IGF2BP3: variants seen among roughly 807,000 people sequenced by gnomAD.
IGF2BP3 encodes insulin like growth factor 2 mRNA binding protein 3.
IGF2BP3 carries 9 observed loss-of-function variants against 73.8 expected under a neutral mutation model. That is an observed-to-expected ratio of 0.12 (90% CI 0.07 to 0.21). The LOEUF (loss-of-function observed/expected upper bound fraction) is 0.21. IGF2BP3 is among the 10% of genes least tolerant of loss of function. The pLI, the probability that IGF2BP3 is intolerant of heterozygous loss-of-function variation, is 1.00. For missense variants in IGF2BP3, 542 were observed against 714.0 expected (o/e 0.76, Z 2.75); for synonymous variants, 258 against 256.7 (o/e 1.01, Z -0.05).
intron 3 of IGF2BP3, among the ~76,000 whole-genome samples, chr7:23,386,550 T>C (rs1034296260): frequency 6.6e-6 from 1 of 152,174 alleles, no homozygotes; most frequent in Non-Finnish European, 1.5e-5. Flanking sequence ...TATTAGACTA[T>C]AGCTCAGAGT....
At chr7:23,455,944 G>GA (rs1382333180) in intron 2 of IGF2BP3, among the ~76,000 whole-genome samples, 5 of 152,074 alleles carry the variant, frequency 3.3e-5, no homozygotes. Context: ...CTCTGGCTCC[G>GA]AAAGTGCTGG....
chr7:23,439,402 A>C (rs1787878528), intron 2 of IGF2BP3, among the ~76,000 whole-genome samples: 2 of 151,468 alleles, frequency 1.3e-5, no homozygotes, highest in African/African-American at 2.4e-5. Flanking sequence ...AATACAAAAA[A>C]AAAAAAATTA....
Position 23,357,822 on chromosome 7 carries a change from C to T in IGF2BP3, c.401+3712G>A, listed in dbSNP as rs549874557. ...AGCCACAAGGTGGCAGGAATTTCCA[C>T]GTTAAGTTCTGTCTTAAAGATACAG... On this transcript the variant is annotated intron_variant, in intron 5 of 14. Coordinates refer to ENST00000258729, the MANE Select transcript of IGF2BP3 (RefSeq NM_006547.3). 3.2e-4 allele frequency among the ~76,000 whole-genome samples: 49 copies of T among 152,336 alleles called. 1 individual carries two copies. In the South Asian group the frequency reaches 9.9e-3, roughly 31 times the overall value.
At chr7:23,320,266 G>A (rs777676041) in intron 10 of IGF2BP3, among the ~76,000 whole-genome samples, 1 of 152,130 alleles carries the variant, frequency 6.6e-6, no homozygotes, top group Non-Finnish European at 1.5e-5. Context: ...GCTAACTCCT[G>A]AAAGGTCATT....
At chr7:23,353,171 G>A (rs542268676) in intron 5 of IGF2BP3, among the ~76,000 whole-genome samples, 11 of 152,270 alleles carry the variant, frequency 7.2e-5, no homozygotes, top group African/African-American at 2.6e-4. Context: ...ACCCCAGGTG[G>A]GAAAGAAAAA....
intron 12 of IGF2BP3, 70 bp from the exon 13 acceptor site, chr7:23,313,723 A>G: frequency 6.7e-7 from 1 of 1,498,804 alleles, no homozygotes; most frequent in Non-Finnish European, 9.1e-7. Context: ...AACTTGAAAG[A>G]TGGCCCAAAT....
At chr7:23,380,686 T>A (rs1454381123) in intron 3 of IGF2BP3, among the ~76,000 whole-genome samples, 4 of 152,186 alleles carry the variant, frequency 2.6e-5, no homozygotes, top group Non-Finnish European at 5.9e-5. Flanking sequence ...AATTCACCAG[T>A]ACCTCTGAAT....
chr7:23,315,983 A>G (rs1783978688), intron 12 of IGF2BP3, among the ~76,000 whole-genome samples: 1 of 152,218 alleles, frequency 6.6e-6, no homozygotes, highest in African/African-American at 2.4e-5. Flanking sequence ...CAGGACAGTA[A>G]TTCTACTTAT....
intron 12 of IGF2BP3, among the ~76,000 whole-genome samples, chr7:23,315,152 G>A (rs1783950154): frequency 6.6e-6 from 1 of 151,362 alleles, no homozygotes; most frequent in Admixed American, 6.6e-5. Flanking sequence ...TAGAGACAGA[G>A]TCTCTTTCTC....
chr7:23,320,783 T>TCAAAAATTA (rs1159818926), intron 10 of IGF2BP3, among the ~76,000 whole-genome samples: 1 of 150,334 alleles, frequency 6.7e-6, no homozygotes, highest in Non-Finnish European at 1.5e-5. Context: ...CCCCATCTCT[T>TCAAAAATTA]CAAAAATTAC....
At chr7:23,399,715 A>T (rs1442814178) in intron 3 of IGF2BP3, among the ~76,000 whole-genome samples, 4 of 152,188 alleles carry the variant, frequency 2.6e-5, no homozygotes, top group African/African-American at 9.7e-5. Flanking sequence ...CTCATATTGA[A>T]TTGCTCTAAA....
chr7:23,459,877 A>C (rs1788404785), intron 2 of IGF2BP3, among the ~76,000 whole-genome samples: 2 of 151,816 alleles, frequency 1.3e-5, no homozygotes, highest in South Asian at 4.2e-4. Context: ...TTTGGAACCT[A>C]AGATAGGTTC....
At position 23,328,560 on chromosome 7, in the gene IGF2BP3, T is replaced by A. The variant is rs192549806; in HGVS notation, c.1204-9306A>T. Among the ~76,000 whole-genome samples, 10 of 152,322 alleles carry A rather than the reference T, an allele frequency of 6.6e-5. No homozygotes were observed. In the East Asian group the frequency reaches 7.7e-4, roughly 12 times the overall value. On this transcript the variant is annotated intron_variant, in intron 10 of 14. Transcript: ENST00000258729. ...CCAGAAATAACAAAAGGGCTGGTTCTTTGAATATAAGGAATAACTTTTGCC... is the reference window on the plus strand; with the variant it reads ...CCAGAAATAACAAAAGGGCTGGTTCATTGAATATAAGGAATAACTTTTGCC...
chr7:23,380,300 C>T (rs1032171658), intron 3 of IGF2BP3, among the ~76,000 whole-genome samples: 2 of 151,524 alleles, frequency 1.3e-5, no homozygotes, highest in Non-Finnish European at 2.9e-5. Flanking sequence ...AGTACTAGGA[C>T]TACAAGTGCC....
At chr7:23,315,982 A>C (rs912112551) in intron 12 of IGF2BP3, among the ~76,000 whole-genome samples, 18 of 152,228 alleles carry the variant, frequency 1.2e-4, no homozygotes, top group Non-Finnish European at 2.9e-5. Flanking sequence ...GCAGGACAGT[A>C]ATTCTACTTA....
intron 10 of IGF2BP3, among the ~76,000 whole-genome samples, chr7:23,321,710 A>G (rs2128493727): frequency 1.3e-5 from 2 of 152,318 alleles, no homozygotes; most frequent in East Asian, 3.9e-4. Context: ...TTCTCCCAGC[A>G]CACAGCTAGA....
At chr7:23,330,576 T>G (rs1784419635) in intron 10 of IGF2BP3, among the ~76,000 whole-genome samples, 1 of 152,102 alleles carries the variant, frequency 6.6e-6, no homozygotes, top group African/African-American at 2.4e-5. Flanking sequence ...GACAGTCAGT[T>G]ATTTTTATTT....
intron 2 of IGF2BP3, among the ~76,000 whole-genome samples, chr7:23,452,346 C>T (rs1341478682): frequency 6.6e-6 from 1 of 152,108 alleles, no homozygotes; most frequent in Non-Finnish European, 1.5e-5. Flanking sequence ...TAGGTTATTT[C>T]CTATTTTTAA....
chr7:23,337,221 C>A (rs1255692258), intron 10 of IGF2BP3, among the ~76,000 whole-genome samples: 1 of 152,118 alleles, frequency 6.6e-6, no homozygotes, highest in Non-Finnish European at 1.5e-5. Flanking sequence ...AAGAATTGTT[C>A]CCCTGAACAT....
Sources: allele counts gnomAD v4.1 joint callset (sites outside exome capture counted in the v4.1 genomes callset), GRCh38; gene constraint gnomAD v4.1.1; transcripts MANE v1.5; gene names NCBI Gene and HGNC (gene_info 2026-07-23, HGNC 2026-07-21).